The following CCDC178 variants were observed in gnomAD, a reference collection of about 807,000 sequenced individuals.
CCDC178 encodes the protein coiled-coil domain-containing protein 178.
In CCDC178, 126 loss-of-function variants were observed where a neutral mutation model predicts 117.4. The ratio of observed to expected loss-of-function variants is 1.07; its 90% CI spans 0.93 to 1.24. The LOEUF is 1.24. Among genes scored for constraint, CCDC178 ranks in the 50% most tolerant of loss-of-function variants. The pLI, the probability that CCDC178 is intolerant of heterozygous loss-of-function variation, is 0.00. For synonymous variants in CCDC178, 283 were observed against 313.4 expected, an observed-to-expected ratio of 0.90 and a Z score of 1.02; for missense variants, 1,030 against 986.9, an observed-to-expected ratio of 1.04 and a Z score of -0.59.
At chr18:33,023,249 A>G (rs2056158239) in intron 21 of CCDC178, among the ~76,000 whole-genome samples, 1 of 152,160 alleles carries the variant, frequency 6.6e-6, no homozygotes, top group African/African-American at 2.4e-5. Context: ...TGACATTTAT[A>G]GAGACATTCC....
intron 21 of CCDC178, among the ~76,000 whole-genome samples, chr18:33,078,440 G>A (rs2057245718): frequency 6.6e-6 from 1 of 152,052 alleles, no homozygotes; most frequent in Non-Finnish European, 1.5e-5. Flanking sequence ...AGAGCAATCA[G>A]GCAAGAGAAA....
At chr18:33,094,177 C>T (rs2057508761) in intron 20 of CCDC178, among the ~76,000 whole-genome samples, 1 of 151,934 alleles carries the variant, frequency 6.6e-6, no homozygotes, top group Admixed American at 6.6e-5. Context: ...AGCTATTCTT[C>T]AAAAAGCCAA....
At chr18:33,349,282 C>T (rs921414127) in intron 7 of CCDC178, among the ~76,000 whole-genome samples, 8 of 151,778 alleles carry the variant, frequency 5.3e-5, no homozygotes, top group Non-Finnish European at 1.0e-4. Context: ...AAAGGGTATT[C>T]TGTGAGAATA....
chr18:33,293,965 A>G (rs1337064641), intron 11 of CCDC178, among the ~76,000 whole-genome samples: 2 of 152,062 alleles, frequency 1.3e-5, no homozygotes, highest in Admixed American at 6.6e-5. Flanking sequence ...AAAGGTAAGG[A>G]AAAAAAAGAT....
chr18:33,089,386 C>A lies in CCDC178; in HGVS notation c.2388+3375G>T, dbSNP rs2057428093. 2.0e-5 allele frequency among the ~76,000 whole-genome samples: 3 copies of A among 152,142 alleles called. No individual in the cohort carries two copies. In the South Asian group the frequency reaches 6.2e-4, roughly 32 times the overall value. On this transcript the variant is annotated intron_variant, in intron 21 of 22. Coordinates refer to ENST00000383096, the MANE Select transcript of CCDC178 (RefSeq NM_001105528.4). ...GTGACACTCAATGTTAGTTCTATAT[C>A]TTACATTGGGAGAGATGATAACAGT... is the stretch of plus-strand genomic sequence containing the variant.
intron 2 of CCDC178, among the ~76,000 whole-genome samples, chr18:33,414,581 A>G (rs943038528): frequency 6.6e-6 from 1 of 152,160 alleles, no homozygotes; most frequent in Non-Finnish European, 1.5e-5. Context: ...ATGTTAGACC[A>G]AAAACCATAA....
chr18:33,234,416 C>A (rs1451092666), intron 15 of CCDC178, among the ~76,000 whole-genome samples: 1 of 151,724 alleles, frequency 6.6e-6, no homozygotes, highest in African/African-American at 2.4e-5. Flanking sequence ...AAACGAAGAC[C>A]AATGAAACAA....
intron 11 of CCDC178, among the ~76,000 whole-genome samples, chr18:33,307,653 T>C (rs1420288713): frequency 6.6e-6 from 1 of 152,144 alleles, no homozygotes; most frequent in East Asian, 1.9e-4. Flanking sequence ...CAGCAGCCCA[T>C]CTCATTACAG....
At chr18:33,355,898 C>T (rs2063048996) in intron 7 of CCDC178, among the ~76,000 whole-genome samples, 1 of 152,164 alleles carries the variant, frequency 6.6e-6, no homozygotes, top group South Asian at 2.1e-4. Flanking sequence ...GGAATCTGCA[C>T]CATAGGTGTA....
intron 17 of CCDC178, among the ~76,000 whole-genome samples, chr18:33,223,602 T>C (rs546261204): frequency 6.6e-6 from 1 of 152,272 alleles, no homozygotes; most frequent in East Asian, 1.9e-4. Context: ...TATTAATTCT[T>C]ATAATTTATT....
In CCDC178 at chr18:33,121,282, C is replaced by T. The variant is rs369720177; in HGVS notation, c.2239-28372G>A. On this transcript the variant is annotated intron_variant, in intron 20 of 22. Coordinates refer to ENST00000383096, the MANE Select transcript of CCDC178 (RefSeq NM_001105528.4). ...GCAAAGAGACAGATACAGACATAGA[C>T]AGAGAAGAAATTCCACCTGTGCCCA... Among the ~76,000 whole-genome samples the T allele has an allele frequency of 1.3e-4, 20 of 152,220 alleles. No individual in the cohort carries two copies. In the East Asian group the frequency reaches 1.7e-3, roughly 13 times the overall value.
At chr18:33,307,959 G>C (rs1040226965) in intron 11 of CCDC178, among the ~76,000 whole-genome samples, 2 of 152,184 alleles carry the variant, frequency 1.3e-5, no homozygotes, top group Non-Finnish European at 2.9e-5. Flanking sequence ...TTTGCTGCAG[G>C]GGCAGAGCCC....
intron 18 of CCDC178, among the ~76,000 whole-genome samples, chr18:33,221,467 G>C (rs2059233297): frequency 1.3e-5 from 2 of 152,104 alleles, no homozygotes; most frequent in Admixed American, 6.6e-5. Context: ...GAGACACTTA[G>C]TGCCTGTAGT....
intron 3 of CCDC178, among the ~76,000 whole-genome samples, chr18:33,409,447 A>C (rs1380340055): frequency 1.3e-5 from 2 of 152,198 alleles, no homozygotes; most frequent in Non-Finnish European, 2.9e-5. Flanking sequence ...ATCATGAACG[A>C]AAGAACATCA....
At chr18:33,396,511 A>G (rs993915549) in intron 4 of CCDC178, among the ~76,000 whole-genome samples, 1 of 152,184 alleles carries the variant, frequency 6.6e-6, no homozygotes, top group East Asian at 1.9e-4. Context: ...ATTATTCAAA[A>G]TAACAAAAAA....
At chr18:33,105,353 A>G (rs2057690120) in intron 20 of CCDC178, among the ~76,000 whole-genome samples, 1 of 151,614 alleles carries the variant, frequency 6.6e-6, no homozygotes, top group Non-Finnish European at 1.5e-5. Flanking sequence ...TTTGTGCCAT[A>G]AAAACTTTCT....
intron 14 of CCDC178, among the ~76,000 whole-genome samples, chr18:33,251,843 A>G (rs1190005946): frequency 6.6e-6 from 1 of 151,740 alleles, no homozygotes; most frequent in Non-Finnish European, 1.5e-5. Flanking sequence ...TATTTTAGCC[A>G]CATTCAGCTG....
chr18:33,059,005 C>T (rs764069454), intron 21 of CCDC178, among the ~76,000 whole-genome samples: 1 of 152,102 alleles, frequency 6.6e-6, no homozygotes, highest in Non-Finnish European at 1.5e-5. Flanking sequence ...ACAGCAGTTG[C>T]TGCCAGTAGT....
chr18:33,278,051 C>T (rs1331811476), intron 12 of CCDC178, among the ~76,000 whole-genome samples: 2 of 151,996 alleles, frequency 1.3e-5, no homozygotes, highest in Non-Finnish European at 2.9e-5. Flanking sequence ...AATCTCCAAC[C>T]AAAGCCCAAA....
Sources: allele counts gnomAD v4.1 joint callset (sites outside exome capture counted in the v4.1 genomes callset), GRCh38; gene constraint gnomAD v4.1.1; transcripts MANE v1.5; gene names NCBI Gene and HGNC (gene_info 2026-07-23, HGNC 2026-07-21).